PLXDC2: variants seen among roughly 807,000 people sequenced by gnomAD.
PLXDC2 encodes plexin domain-containing protein 2.
A neutral mutation model predicts 68.9 loss-of-function variants in PLXDC2; 40 were observed. The observed-to-expected ratio is 0.58, with a 90% CI of 0.45 to 0.76. The LOEUF (loss-of-function observed/expected upper bound fraction) is 0.76. Among genes scored for constraint, PLXDC2 ranks in the 30% least tolerant of loss-of-function variants. The pLI, the probability that PLXDC2 is intolerant of heterozygous loss-of-function variation, is 0.00. For missense variants in PLXDC2, 644 were observed against 661.9 expected, an observed-to-expected ratio of 0.97 and a Z score of 0.30; for synonymous variants, 243 against 234.2, an observed-to-expected ratio of 1.04 and a Z score of -0.34.
chr10:19,899,130 C>T (rs889715819), intron 1 of PLXDC2, among the ~76,000 whole-genome samples: 1 of 152,226 alleles, frequency 6.6e-6, no homozygotes, highest in Non-Finnish European at 1.5e-5. Context: ...TGCTCCTCCT[C>T]TTCCACCCTG....
chr10:19,857,531 G>T (rs1241836072), intron 1 of PLXDC2, among the ~76,000 whole-genome samples: 1 of 152,120 alleles, frequency 6.6e-6, no homozygotes, highest in Non-Finnish European at 1.5e-5. Flanking sequence ...ATCTAGAAAA[G>T]GTATAGATGA....
At chr10:20,091,379 C>T (rs1331661734) in intron 4 of PLXDC2, among the ~76,000 whole-genome samples, 1 of 152,214 alleles carries the variant, frequency 6.6e-6, no homozygotes, top group Non-Finnish European at 1.5e-5. Flanking sequence ...AACAGTTATA[C>T]ATCTAAATCT....
intron 1 of PLXDC2, among the ~76,000 whole-genome samples, chr10:19,923,496 T>A (rs559291458): frequency 6.6e-6 from 1 of 152,334 alleles, no homozygotes; most frequent in Non-Finnish European, 1.5e-5. Context: ...TTGGCATTGT[T>A]ATACATATTT....
intron 1 of PLXDC2, among the ~76,000 whole-genome samples, chr10:19,832,235 G>T (rs1052568451): frequency 6.6e-6 from 1 of 152,116 alleles, no homozygotes; most frequent in African/African-American, 2.4e-5. Flanking sequence ...CATGTAGTAG[G>T]CTCTTAATTT....
intron 1 of PLXDC2, among the ~76,000 whole-genome samples, chr10:19,952,763 A>G (rs563239508): frequency 2.8e-4 from 43 of 152,228 alleles, no homozygotes; most frequent in Non-Finnish European, 5.1e-4. Flanking sequence ...CTGTAGAAGA[A>G]TAGGCTAGTT....
At chr10:20,224,832 A>G (rs1316372034) in intron 12 of PLXDC2, among the ~76,000 whole-genome samples, 3 of 152,190 alleles carry the variant, frequency 2.0e-5, no homozygotes, top group Admixed American at 6.5e-5. Context: ...TTTGCTTAAA[A>G]AATATTTAAA....
intron 1 of PLXDC2, among the ~76,000 whole-genome samples, chr10:19,851,861 T>A (rs1439307270): frequency 6.6e-6 from 1 of 152,172 alleles, no homozygotes; most frequent in Non-Finnish European, 1.5e-5. Flanking sequence ...TTTCTCTTAT[T>A]CTTTGAAGAA....
chr10:20,025,542 G>A (rs141432864), intron 2 of PLXDC2, among the ~76,000 whole-genome samples: 2,488 of 152,226 alleles, frequency 0.016, 64 homozygotes, highest in African/African-American at 0.056. Flanking sequence ...GATTACAGGT[G>A]TGAGCCACAG....
chr10:20,247,796 A>G (rs777556208), intron 13 of PLXDC2, among the ~76,000 whole-genome samples: 49 of 152,232 alleles, frequency 3.2e-4, no homozygotes, highest in Non-Finnish European at 5.9e-4. Flanking sequence ...TTCCTGGAAA[A>G]ACGTTCATAA....
At chr10:20,161,078 G>C (rs1182088988) in intron 6 of PLXDC2, among the ~76,000 whole-genome samples, 1 of 152,100 alleles carries the variant, frequency 6.6e-6, no homozygotes, top group African/African-American at 2.4e-5. Flanking sequence ...CTATTCTATT[G>C]GCTATTTGAC....
At chr10:20,140,779 A>G (rs954560433) in intron 4 of PLXDC2, among the ~76,000 whole-genome samples, 3 of 152,144 alleles carry the variant, frequency 2.0e-5, no homozygotes, top group East Asian at 3.8e-4. Context: ...GTAACTTTCA[A>G]TATGACCAAG....
chr10:20,109,788 G>A (rs916026540), intron 4 of PLXDC2, among the ~76,000 whole-genome samples: 1 of 152,078 alleles, frequency 6.6e-6, no homozygotes, highest in Admixed American at 6.5e-5. Context: ...TTCCAAACAT[G>A]GAAAGTAACC....
chr10:19,850,780 A>G (rs1342664361), intron 1 of PLXDC2, among the ~76,000 whole-genome samples: 1 of 152,184 alleles, frequency 6.6e-6, no homozygotes, highest in Non-Finnish European at 1.5e-5. Context: ...ATCAGGGCTT[A>G]CTCAGTGTTC....
chr10:20,272,551 C>T (rs1271301782), intron 13 of PLXDC2, among the ~76,000 whole-genome samples: 1 of 152,162 alleles, frequency 6.6e-6, no homozygotes, highest in South Asian at 2.1e-4. Context: ...AGTGAACACA[C>T]TTATTGTGAA....
chr10:19,933,208 C>T (rs898562634), intron 1 of PLXDC2, among the ~76,000 whole-genome samples: 3 of 152,144 alleles, frequency 2.0e-5, no homozygotes, highest in Non-Finnish European at 4.4e-5. Flanking sequence ...TTTCTGTTTC[C>T]TCTTTTTCTT....
chr10:19,916,799 T>C (rs914446669), intron 1 of PLXDC2, among the ~76,000 whole-genome samples: 3 of 152,110 alleles, frequency 2.0e-5, no homozygotes, highest in Non-Finnish European at 4.4e-5. Context: ...ACTGGAGTAA[T>C]CGTCATAGTT....
At chr10:20,014,096 C>T (rs1031169975) in intron 2 of PLXDC2, among the ~76,000 whole-genome samples, 6 of 152,156 alleles carry the variant, frequency 3.9e-5, no homozygotes, top group African/African-American at 1.4e-4. Flanking sequence ...CACTATTCCT[C>T]AAAACTCTAT....
chr10:19,947,451 T>C (rs1833920525), intron 1 of PLXDC2, among the ~76,000 whole-genome samples: 1 of 152,222 alleles, frequency 6.6e-6, no homozygotes, highest in Admixed American at 6.5e-5. Flanking sequence ...CTTGACATTT[T>C]CTAGGACTTG....
chr10:19,868,907 G>T (rs1380793035), intron 1 of PLXDC2, among the ~76,000 whole-genome samples: 1 of 152,114 alleles, frequency 6.6e-6, no homozygotes, highest in South Asian at 2.1e-4. Context: ...AAATATGTAA[G>T]ATATTTTTAT....
Sources: allele counts gnomAD v4.1 joint callset (sites outside exome capture counted in the v4.1 genomes callset), GRCh38; gene constraint gnomAD v4.1.1; transcripts MANE v1.5; gene names NCBI Gene and HGNC (gene_info 2026-07-23, HGNC 2026-07-21).